Variants in VAV3 observed in about 807,000 individuals in gnomAD.
The protein encoded by VAV3 is guanine nucleotide exchange factor VAV3.
VAV3 carries 94 observed loss-of-function variants against 131.2 expected under a neutral mutation model. The ratio of observed to expected loss-of-function variants is 0.72; its 90% confidence interval spans 0.61 to 0.85. VAV3 has a LOEUF of 0.85. Ranked by LOEUF, VAV3 falls within the 40% of genes least tolerant of loss-of-function variation. The pLI, the probability that VAV3 is intolerant of heterozygous loss-of-function variation, is 0.00. For synonymous variants in VAV3, 349 were observed against 342.0 expected (o/e 1.02, Z -0.22); for missense variants, 939 against 1,002.7 (o/e 0.94, Z 0.86).
At chr1:107,864,641 T>A (rs1669898124) in intron 2 of VAV3, among the ~76,000 whole-genome samples, 2 of 151,868 alleles carry the variant, frequency 1.3e-5, no homozygotes. Flanking sequence ...AATAAATAAA[T>A]AAGTAAATGT....
At chr1:107,739,802 C>T (rs1662898912) in intron 15 of VAV3, among the ~76,000 whole-genome samples, 1 of 152,188 alleles carries the variant, frequency 6.6e-6, no homozygotes, top group African/African-American at 2.4e-5. Flanking sequence ...AAAATGTCAT[C>T]CCCACATCCA....
Position 107,705,152 on chromosome 1 carries a change from T to G in VAV3, c.1503-91A>C, listed in dbSNP as rs920677641. ...AAACCCTAAATTCATCAAAATGACATCAGGTAGAGATCTGATTCAAGCAAA... is the reference window on the plus strand; with the variant it reads ...AAACCCTAAATTCATCAAAATGACAGCAGGTAGAGATCTGATTCAAGCAAA... On this transcript the variant is annotated intron_variant, in intron 15 of 26. Coordinates refer to ENST00000370056, the MANE Select transcript of VAV3 (RefSeq NM_006113.5). The G allele has an allele frequency of 4.9e-6, 5 of 1,019,392 alleles. No homozygotes were observed. In the African/African-American group the frequency reaches 8.0e-5, roughly 16 times the overall value. The allele number at this position is 1,019,392 out of a possible 1,614,324, so 63.1% of individuals were successfully genotyped here.
intron 13 of VAV3, 67 bp downstream of exon 13, chr1:107,751,050 C>T: frequency 6.8e-7 from 1 of 1,477,064 alleles, no homozygotes; most frequent in Non-Finnish European, 9.3e-7. Context: ...GAAAAATTGT[C>T]TTTAAGGTTT....
intron 2 of VAV3, among the ~76,000 whole-genome samples, chr1:107,801,565 C>T (rs1462993515): frequency 6.6e-6 from 1 of 152,034 alleles, no homozygotes; most frequent in Non-Finnish European, 1.5e-5. Flanking sequence ...GAGTGTTGGC[C>T]AATCTCAGAG....
At chr1:107,585,285 A>C (rs1338060706) in intron 25 of VAV3, among the ~76,000 whole-genome samples, 1 of 152,142 alleles carries the variant, frequency 6.6e-6, no homozygotes, top group African/African-American at 2.4e-5. Flanking sequence ...GTTCCAGGCC[A>C]CTATCATCTC....
At chr1:107,834,973 C>T (rs1668406378) in intron 2 of VAV3, among the ~76,000 whole-genome samples, 1 of 152,132 alleles carries the variant, frequency 6.6e-6, no homozygotes, top group East Asian at 1.9e-4. Flanking sequence ...AGAGACAGAG[C>T]TCCAGCCTGC....
intron 9 of VAV3, among the ~76,000 whole-genome samples, chr1:107,761,393 A>C (rs1170918392): frequency 5.0e-5 from 1 of 19,812 alleles, no homozygotes; most frequent in Non-Finnish European, 1.8e-4. Context: ...ACTCCGTCTC[A>C]AAAAAAAAAA....
At chr1:107,724,763 A>G (rs1354528085) in intron 15 of VAV3, among the ~76,000 whole-genome samples, 9 of 152,242 alleles carry the variant, frequency 5.9e-5, no homozygotes, top group African/African-American at 2.2e-4. Flanking sequence ...GCAGAGGTAT[A>G]AAGGAGCCTG....
chr1:107,635,741 T>C (rs948069026), intron 20 of VAV3, among the ~76,000 whole-genome samples: 1 of 152,164 alleles, frequency 6.6e-6, no homozygotes, highest in African/African-American at 2.4e-5. Context: ...CATCCCAATA[T>C]CCCTAAGGTG....
intron 2 of VAV3, among the ~76,000 whole-genome samples, chr1:107,780,092 T>C (rs1356633730): frequency 3.3e-5 from 5 of 152,218 alleles, no homozygotes; most frequent in East Asian, 1.9e-4. Flanking sequence ...TGAGTCTAAA[T>C]CCTCAGCTTA....
intron 1 of VAV3, among the ~76,000 whole-genome samples, chr1:107,928,932 A>G (rs1277600583): frequency 1.3e-5 from 2 of 152,168 alleles, no homozygotes; most frequent in Non-Finnish European, 2.9e-5. Flanking sequence ...ATTTAACCCA[A>G]AGAAGACTAC....
At chr1:107,797,361 T>A (rs868217122) in intron 2 of VAV3, among the ~76,000 whole-genome samples, 1 of 152,332 alleles carries the variant, frequency 6.6e-6, no homozygotes, top group Middle Eastern at 3.4e-3. Flanking sequence ...TATCTGCATA[T>A]GCCATAAATT....
chr1:107,650,996 T>C (rs7516976), intron 19 of VAV3, among the ~76,000 whole-genome samples: 18,478 of 151,754 alleles, frequency 0.12, 1,256 homozygotes, highest in East Asian at 0.2. Flanking sequence ...GGGACATGAA[T>C]GAAAGAGGTG....
rs921365526 is a variant in VAV3, at chr1:107,752,459, A to T, written c.1174-1257T>A. Among the ~76,000 whole-genome samples, 9 of 152,210 alleles carry T rather than the reference A, an allele frequency of 5.9e-5. No individual in the cohort carries two copies. The South Asian group carries it at 1.9e-3, about 32-fold the overall frequency. On this transcript the variant is annotated intron_variant, in intron 12 of 26. Transcript: ENST00000370056. ...TATTTCTTCGAGATTGATAAATGGG[A>T]CTTTGTCAAAATTAAAAACTTTTGT...
intron 7 of VAV3, among the ~76,000 whole-genome samples, chr1:107,767,225 C>A (rs1014115297): frequency 3.3e-5 from 5 of 152,150 alleles, no homozygotes; most frequent in African/African-American, 1.2e-4. Flanking sequence ...CAGAGCAACT[C>A]AAAATGTCAG....
chr1:107,665,441 T>A (rs1463384852), intron 19 of VAV3, among the ~76,000 whole-genome samples: 1 of 152,204 alleles, frequency 6.6e-6, no homozygotes. Flanking sequence ...GGTAGACTAC[T>A]CCCATTGTAT....
rs771773884 is a variant in VAV3 at position 107,753,549 on chromosome 1, T to TATGTATATATATATACACAC, written c.1173+1877_1173+1878insGTGTGTATATATATATACAT. Among the ~76,000 whole-genome samples the TATGTATATATATATACACAC allele has an allele frequency of 3.0e-4, 25 of 82,066 alleles. 1 individual carries two copies. The highest frequency in any genetic ancestry group is 8.7e-4 in the African/African-American group (19 of 21,780). 53.8% of individuals were successfully genotyped at this position (82,066 alleles called of 152,430 possible). On this transcript the variant is annotated intron_variant, in intron 12 of 26. Transcript: ENST00000370056. The stretch of plus-strand genomic sequence containing the variant: ...ATACGTATATATATATATATATATA[T>TATGTATATATATATACACAC]ACACACACACACTTTTTTTTTTGAG...
intron 2 of VAV3, among the ~76,000 whole-genome samples, chr1:107,858,370 T>C (rs1385061617): frequency 7.0e-6 from 1 of 142,792 alleles, no homozygotes; most frequent in Non-Finnish European, 1.5e-5. Context: ...TTAACTATTA[T>C]ATTTCTTAGA....
chr1:107,591,656 T>G (rs937809514), intron 25 of VAV3, among the ~76,000 whole-genome samples: 3 of 152,148 alleles, frequency 2.0e-5, no homozygotes, highest in African/African-American at 7.2e-5. Context: ...ACTGAAAACT[T>G]CTATTCTGAA....
Sources: gnomAD v4.1 joint callset for allele counts (sites outside exome capture counted in the v4.1 genomes callset) on GRCh38, gnomAD v4.1.1 for gene constraint, MANE v1.5 for transcripts, NCBI Gene and HGNC (gene_info 2026-07-23, HGNC 2026-07-21) for gene names.